RNF217: variants seen among roughly 807,000 people sequenced by gnomAD.
RNF217 encodes the protein E3 ubiquitin-protein ligase RNF217.
In RNF217, 31 loss-of-function variants were observed where a neutral mutation model predicts 57.8. The observed-to-expected ratio is 0.54, with a 90% confidence interval of 0.40 to 0.72. The LOEUF is 0.72. RNF217 is among the 30% of genes least tolerant of loss of function. The pLI, the probability that RNF217 is intolerant of heterozygous loss-of-function variation, is 0.00. For synonymous variants in RNF217, 313 were observed against 294.0 expected (o/e 1.06, Z -0.66); for missense variants, 696 against 708.3 (o/e 0.98, Z 0.20).
intron 2 of RNF217, among the ~76,000 whole-genome samples, chr6:125,047,529 T>C (rs1787143672): frequency 6.6e-6 from 1 of 152,076 alleles, no homozygotes; most frequent in Non-Finnish European, 1.5e-5. Context: ...GTCTATCAAT[T>C]TGTTGTAGGT....
chr6:125,030,956 C>T (rs1208422952), intron 1 of RNF217, among the ~76,000 whole-genome samples: 4 of 152,290 alleles, frequency 2.6e-5, no homozygotes, highest in East Asian at 1.9e-4. Context: ...CCTGGGCATC[C>T]GGGCGTTTCC....
chr6:124,962,722 G>A lies in RNF217; in HGVS notation c.178G>A (p.Gly60Ser), dbSNP rs1783331731. The A allele has an allele frequency of 1.9e-6, 3 of 1,541,800 alleles. No homozygotes were observed. In the African/African-American group the frequency reaches 4.1e-5, roughly 21 times the overall value. Residue 60 changes from glycine to serine, a missense_variant, in exon 1 of 6, where the codon GGC becomes AGC. Gly to Ser is a moderately conservative substitution (Grantham distance 56). Around this residue, in one of 2 missense-constraint regions of RNF217, gnomAD observed 465 missense variants for 386.8 expected, o/e 1.20. Transcript: ENST00000521654. This position sits in a 1 kb window ranked among gnomAD's most constrained non-coding sequence, Gnocchi z 4.6. ...PSGGGCGSDW[G>S]CADTSAPEPA... ...CGGCGGTGGCTGCGGAAGCGACTGG[G>A]GCTGCGCGGACACCAGCGCCCCAGA...
At chr6:125,036,000 C>T (rs528568869) in intron 1 of RNF217, among the ~76,000 whole-genome samples, 5 of 151,978 alleles carry the variant, frequency 3.3e-5, no homozygotes, top group African/African-American at 9.6e-5. Flanking sequence ...TGGTGGTTTG[C>T]TGCACCCATC....
At chr6:125,020,658 C>T (rs565346525) in intron 1 of RNF217, among the ~76,000 whole-genome samples, 2 of 151,902 alleles carry the variant, frequency 1.3e-5, no homozygotes, top group Non-Finnish European at 2.9e-5. Context: ...TAGATAAAGG[C>T]GTATTGCTTT....
At chr6:125,045,710 A>G (rs1787071653) in intron 2 of RNF217, among the ~76,000 whole-genome samples, 1 of 152,122 alleles carries the variant, frequency 6.6e-6, no homozygotes, top group Non-Finnish European at 1.5e-5. Context: ...CTTTAGAGTA[A>G]TAATAGTTAC....
chr6:125,059,896 G>C (rs898142966), intron 3 of RNF217, among the ~76,000 whole-genome samples: 20 of 152,140 alleles, frequency 1.3e-4, no homozygotes, highest in African/African-American at 4.6e-4. Context: ...TGGAATCAGT[G>C]GACATTATTA....
At chr6:124,984,301 C>T (rs1382872727) in intron 1 of RNF217, among the ~76,000 whole-genome samples, 1 of 152,068 alleles carries the variant, frequency 6.6e-6, no homozygotes, top group African/African-American at 2.4e-5. Flanking sequence ...AATTCCAGCA[C>T]TTTGGGAAGG....
chr6:124,963,393 C>A lies in RNF217; in HGVS notation c.849C>A (p.Cys283Ter). 2 of 1,499,794 alleles carry A rather than the reference C, an allele frequency of 1.3e-6. No homozygotes were observed. The highest frequency in any genetic ancestry group is 1.8e-6 in the Non-Finnish European group (2 of 1,129,584). The allele number at this position is 1,499,794 out of a possible 1,614,324, so 92.9% of individuals were successfully genotyped here. A position where few individuals can be genotyped will look rare whatever the true frequency, so the allele number is the denominator to read the frequency against. The change falls in exon 1 of 6, where the codon TGC (cysteine) becomes TGA (stop). Residue 283 changes from cysteine to a stop codon, truncating the protein, a stop_gained. Coordinates refer to ENST00000521654, the MANE Select transcript of RNF217 (RefSeq NM_001286398.3). LOFTEE classifies it high-confidence loss of function. The stretch of plus-strand genomic sequence containing the variant: ...TGCCTTGCTGCAAGAAGGCCGTGTG[C>A]GAGGAGTGCCTCAAAGTCTACCTGA... ...KPLPCCKKAV[C>*]EECLKVYLSA...
chr6:125,044,033 A>G (rs758123955), intron 1 of RNF217, among the ~76,000 whole-genome samples: 7 of 150,806 alleles, frequency 4.6e-5, no homozygotes, highest in Non-Finnish European at 8.9e-5. Flanking sequence ...GATAAATAGC[A>G]ATGTTAAAAG....
Position 124,976,373 on chromosome 6 carries a change from A to G in RNF217, c.882+12947A>G, listed in dbSNP as rs141674422. On this transcript the variant is annotated intron_variant, in intron 1 of 5. Coordinates refer to ENST00000521654, the MANE Select transcript of RNF217 (RefSeq NM_001286398.3). ...AACTTCCACCTCCTGGGTTCAAGCA[A>G]TTCTCCTGCCTCAGCCTCCTGAGTA... Among the ~76,000 whole-genome samples the G allele has an allele frequency of 6.8e-3, 1,022 of 150,734 alleles. 10 individuals are homozygous for G. Among genetic ancestry groups the G allele is most frequent in the African/African-American group, 0.024 (979 of 40,988 alleles).
At chr6:125,048,091 T>G (rs1787163365) in intron 2 of RNF217, 1 of 698,306 alleles carries the variant, frequency 1.4e-6, no homozygotes. Flanking sequence ...CATTAAACTC[T>G]GTGGTTTATG....
At chr6:125,046,278 C>T (rs994361183) in intron 2 of RNF217, among the ~76,000 whole-genome samples, 1 of 151,960 alleles carries the variant, frequency 6.6e-6, no homozygotes, top group African/African-American at 2.4e-5. Context: ...GTGCAGTTTG[C>T]GCAGAAGTTT....
chr6:125,060,636 G>T (rs1787693685), intron 3 of RNF217, among the ~76,000 whole-genome samples: 1 of 151,858 alleles, frequency 6.6e-6, no homozygotes, highest in Admixed American at 6.6e-5. Flanking sequence ...GTAGAGACGG[G>T]GTTTCACCAT....
intron 1 of RNF217, among the ~76,000 whole-genome samples, chr6:125,033,393 A>G (rs1305238602): frequency 3.0e-5 from 4 of 133,640 alleles, no homozygotes; most frequent in African/African-American, 1.1e-4. Flanking sequence ...CCCTTCCTGT[A>G]TCCATGTATT....
chr6:125,019,815 A>T, intron 1 of RNF217, among the ~76,000 whole-genome samples: 1 of 141,898 alleles, frequency 7.0e-6, no homozygotes, highest in South Asian at 2.5e-4. Flanking sequence ...CTCTTGCTTG[A>T]TGTCCCCTTT....
intron 1 of RNF217, among the ~76,000 whole-genome samples, chr6:125,027,707 T>G (rs1467130728): frequency 6.6e-6 from 1 of 152,164 alleles, no homozygotes; most frequent in East Asian, 1.9e-4. Flanking sequence ...AGCTCAATTT[T>G]CAGTTTTTTG....
At chr6:125,033,879 T>C (rs1273833888) in intron 1 of RNF217, among the ~76,000 whole-genome samples, 1 of 152,134 alleles carries the variant, frequency 6.6e-6, no homozygotes, top group Non-Finnish European at 1.5e-5. Flanking sequence ...TTTTTAATGA[T>C]TGCCATTCTA....
chr6:124,982,651 A>G (rs1464917580), intron 1 of RNF217, among the ~76,000 whole-genome samples: 2 of 152,168 alleles, frequency 1.3e-5, no homozygotes, highest in Non-Finnish European at 2.9e-5. Context: ...ATATGAGTCT[A>G]TGCTAGATCT....
chr6:125,011,968 A>C (rs769908235), intron 1 of RNF217, among the ~76,000 whole-genome samples: 7 of 152,104 alleles, frequency 4.6e-5, no homozygotes, highest in Admixed American at 1.3e-4. Context: ...GGGGCTGGCC[A>C]GATGCATCTT....
Sources: allele counts gnomAD v4.1 joint callset (sites outside exome capture counted in the v4.1 genomes callset), GRCh38; gene constraint gnomAD v4.1.1; regional missense constraint gnomAD v4.1.1; non-coding constraint Gnocchi (gnomAD v3.1); transcripts MANE v1.5; gene names NCBI Gene and HGNC (gene_info 2026-07-23, HGNC 2026-07-21).